TXNDC16: variants seen among roughly 807,000 people sequenced by gnomAD.
TXNDC16 encodes the protein thioredoxin domain-containing protein 16.
TXNDC16 carries 74 observed loss-of-function variants against 85.6 expected under a neutral mutation model. The observed-to-expected ratio is 0.86, with a 90% CI of 0.72 to 1.05. The LOEUF is 1.05. TXNDC16 is among the 50% of genes least tolerant of loss of function. TXNDC16 has a pLI of 0.00. For missense variants in TXNDC16, 959 were observed against 947.0 expected, an observed-to-expected ratio of 1.01 and a Z score of -0.17; for synonymous variants, 335 against 326.5, an observed-to-expected ratio of 1.03 and a Z score of -0.28.
chr14:52,515,002 G>A lies in TXNDC16; in HGVS notation c.515-32C>T, dbSNP rs200575040. 7.8e-5 allele frequency: 119 copies of A among 1,527,414 alleles called. No individual in the cohort carries two copies. In the African/African-American group the frequency reaches 1.5e-3, roughly 20 times the overall value. 94.6% of individuals were successfully genotyped at this position (1,527,414 alleles called of 1,614,324 possible). On this transcript the variant is annotated intron_variant, in intron 7 of 20. Transcript: ENST00000281741. ...AAGAGATAAAGGGAGTTGGAAGACA[G>A]GAAAAAATAGTTTGTGTGACTCTAT... is the stretch of plus-strand genomic sequence containing the variant.
intron 20 of TXNDC16, among the ~76,000 whole-genome samples, chr14:52,433,133 T>C (rs1015194948): frequency 6.6e-6 from 1 of 152,140 alleles, no homozygotes; most frequent in Admixed American, 6.5e-5. Flanking sequence ...ACACACTTTA[T>C]GAAAACAAGT....
chr14:52,470,496 G>A lies in TXNDC16; in HGVS notation c.1481+16C>T. The A allele has an allele frequency of 1.2e-6, 2 of 1,602,978 alleles. No homozygotes were observed. Among genetic ancestry groups the A allele is most frequent in the Non-Finnish European group, 1.7e-6 (2 of 1,175,768 alleles). On this transcript the variant is annotated intron_variant, in intron 15 of 20. Transcript: ENST00000281741. ...CCTAAACATTCAGAGATCTTATAATGAAGCTGAATACTTACAGCTGGATAA... is the reference window on the plus strand; with the variant it reads ...CCTAAACATTCAGAGATCTTATAATAAAGCTGAATACTTACAGCTGGATAA...
chr14:52,527,897 TAC>T (rs537929426), intron 6 of TXNDC16, among the ~76,000 whole-genome samples: 16,673 of 115,080 alleles, frequency 0.14, 1,199 homozygotes, highest in East Asian at 0.37. Context: ...TTATTTCACT[TAC>T]TACATCCTGC....
chr14:52,504,117 G>A (rs2036730601), intron 9 of TXNDC16, among the ~76,000 whole-genome samples: 1 of 152,204 alleles, frequency 6.6e-6, no homozygotes, highest in African/African-American at 2.4e-5. Context: ...AAGTGAGGGG[G>A]AGGATGGAAC....
chr14:52,507,668 A>G (rs955630911), intron 9 of TXNDC16, among the ~76,000 whole-genome samples: 1 of 152,206 alleles, frequency 6.6e-6, no homozygotes, highest in African/African-American at 2.4e-5. Flanking sequence ...AAACTATACT[A>G]CAAGGCTACA....
chr14:52,443,275 C>T (rs1307352761), intron 18 of TXNDC16, among the ~76,000 whole-genome samples: 3 of 152,270 alleles, frequency 2.0e-5, no homozygotes, highest in South Asian at 2.1e-4. Flanking sequence ...TTCCTGCCCT[C>T]GAACATCAGA....
rs746462458 is a variant in TXNDC16, at chr14:52,470,612, C to A, written c.1381G>T (p.Val461Phe). ...DWSDVCTKQNVTEFPIIKMYK... is the reference protein window; with the variant it reads ...DWSDVCTKQNFTEFPIIKMYK... ...ATCTTTATGATAGGAAATTCAGTAA[C>A]ATTTTGCTTAGTACATACATCAGAC... is the stretch of plus-strand genomic sequence containing the variant. Residue 461 changes from valine (V) to phenylalanine (F), a missense_variant, in exon 15 of 21, where the codon GTT becomes TTT. Val to Phe is a conservative substitution (Grantham distance 50, BLOSUM62 -1). Transcript: ENST00000281741. 2 of 1,613,950 alleles carry A rather than the reference C, an allele frequency of 1.2e-6. No individual in the cohort carries two copies. The highest frequency in any genetic ancestry group is 3.3e-5 in the Admixed American group (2 of 60,014).
chr14:52,445,871 C>T (rs2035270534), intron 18 of TXNDC16, among the ~76,000 whole-genome samples: 2 of 152,184 alleles, frequency 1.3e-5, no homozygotes, highest in Non-Finnish European at 2.9e-5. Context: ...TATGATAAAA[C>T]TGCCTATCGA....
intron 6 of TXNDC16, among the ~76,000 whole-genome samples, chr14:52,528,428 C>A (rs1594755174): frequency 6.6e-6 from 1 of 151,888 alleles, no homozygotes; most frequent in Non-Finnish European, 1.5e-5. Context: ...GGATTTAGGT[C>A]AAAAATAACT....
chr14:52,508,584 A>G (rs1427596278), intron 9 of TXNDC16, among the ~76,000 whole-genome samples: 5 of 152,230 alleles, frequency 3.3e-5, no homozygotes, highest in Non-Finnish European at 5.9e-5. Context: ...CCAGAGGATT[A>G]TAAAACATGC....
chr14:52,446,420 C>A (rs1211166462), intron 18 of TXNDC16, among the ~76,000 whole-genome samples: 1 of 152,188 alleles, frequency 6.6e-6, no homozygotes, highest in East Asian at 1.9e-4. Context: ...GAAGTCAGAA[C>A]TTGAATTACA....
intron 9 of TXNDC16, among the ~76,000 whole-genome samples, chr14:52,493,543 T>TA (rs2036462116): frequency 6.6e-6 from 1 of 151,812 alleles, no homozygotes; most frequent in South Asian, 2.1e-4. Context: ...AGATGGAAGA[T>TA]AGAGAAAAAA....
chr14:52,493,216 T>TATATATATATTAC, intron 9 of TXNDC16, among the ~76,000 whole-genome samples: 8 of 115,996 alleles, frequency 6.9e-5, no homozygotes, highest in African/African-American at 1.4e-4. Flanking sequence ...TATATATATA[T>TATATATATATTAC]ACACACACAC....
intron 6 of TXNDC16, among the ~76,000 whole-genome samples, chr14:52,530,488 TATATATA>T (rs1254766723): frequency 1.7e-4 from 5 of 28,922 alleles, no homozygotes; most frequent in Admixed American, 6.7e-4. Context: ...TATATAATAT[TATATATA>T]ATAATATAAT....
At position 52,542,412 on chromosome 14, in the gene TXNDC16, C is replaced by T; in HGVS notation, c.202G>A (p.Ala68Thr). ...CCATAGTCCTGCAGAGGTCTAACAG[C>T]CTCATTCAGTTCTTCAAGAAATACA... ...TSVFLEELNE[A>T]VRPLQDYGIS... Residue 68 changes from alanine (A) to threonine (T), a missense_variant, in exon 4 of 21, where the codon GCT becomes ACT. Ala to Thr is a moderately conservative substitution (Grantham distance 58, BLOSUM62 0). Coordinates refer to ENST00000281741, the MANE Select transcript of TXNDC16 (RefSeq NM_020784.3). 2 of 1,612,706 alleles carry T rather than the reference C, an allele frequency of 1.2e-6. No homozygotes were observed. The highest frequency in any genetic ancestry group is 8.5e-7 in the Non-Finnish European group (1 of 1,179,304).
In TXNDC16 at chr14:52,506,650, G is replaced by A. The variant is rs113262443; in HGVS notation, c.756+4590C>T. On this transcript the variant is annotated intron_variant, in intron 9 of 20. Transcript: ENST00000281741. ...CGGCTCACTGCAAGCTCCGCTTCCCGGGTTCACGCCATTCTCCTGCCTCAG... is the reference window on the plus strand; with the variant it reads ...CGGCTCACTGCAAGCTCCGCTTCCCAGGTTCACGCCATTCTCCTGCCTCAG... Among the ~76,000 whole-genome samples, 316 of 135,652 alleles carry A rather than the reference G, an allele frequency of 2.3e-3. 28 individuals carry two copies. The highest frequency in any genetic ancestry group is 8.1e-3 in the African/African-American group (285 of 35,388). 89.0% of individuals were successfully genotyped at this position (135,652 alleles called of 152,430 possible). A position where few individuals can be genotyped will look rare whatever the true frequency, so the allele number is the denominator to read the frequency against.
chr14:52,526,057 T>A lies in TXNDC16; in HGVS notation c.393-6764A>T, dbSNP rs149233373. ...TATTTTTGATCCGCTTATGGTTGAATCCACAGATGCAGAACCTGTGAATAT... is the reference window on the plus strand; with the variant it reads ...TATTTTTGATCCGCTTATGGTTGAAACCACAGATGCAGAACCTGTGAATAT... On this transcript the variant is annotated intron_variant, in intron 6 of 20. Transcript: ENST00000281741. Among the ~76,000 whole-genome samples, 11 of 152,290 alleles carry A rather than the reference T, an allele frequency of 7.2e-5. No homozygotes were observed. The East Asian group carries it at 1.9e-3, about 27-fold the overall frequency.
At chr14:52,433,833 G>A (rs188884059) in intron 20 of TXNDC16, among the ~76,000 whole-genome samples, 2 of 152,278 alleles carry the variant, frequency 1.3e-5, no homozygotes, top group African/African-American at 4.8e-5. Flanking sequence ...CAGGTAAGAA[G>A]AATAACTGTA....
chr14:52,505,248 C>G (rs1438980027), intron 9 of TXNDC16, among the ~76,000 whole-genome samples: 1 of 152,158 alleles, frequency 6.6e-6, no homozygotes, highest in African/African-American at 2.4e-5. Context: ...AACTCTCCAC[C>G]CCAAATCAAC....
Sources: gnomAD v4.1 joint callset for allele counts (sites outside exome capture counted in the v4.1 genomes callset) on GRCh38, gnomAD v4.1.1 for gene constraint, MANE v1.5 for transcripts, NCBI Gene and HGNC (gene_info 2026-07-23, HGNC 2026-07-21) for gene names.